ATP6V1C2: variants seen among roughly 807,000 people sequenced by gnomAD.
ATP6V1C2 encodes V-type proton ATPase subunit C 2.
A neutral mutation model predicts 56.8 loss-of-function variants in ATP6V1C2; 45 were observed. The ratio of observed to expected loss-of-function variants is 0.79; its 90% CI spans 0.62 to 1.02. The LOEUF is 1.02. Among genes scored for constraint, ATP6V1C2 ranks in the 50% least tolerant of loss-of-function variants. The pLI, the probability that ATP6V1C2 is intolerant of heterozygous loss-of-function variation, is 0.00. For synonymous variants in ATP6V1C2, 220 were observed against 201.3 expected (o/e 1.09, Z -0.79); for missense variants, 463 against 519.7 (o/e 0.89, Z 1.06).
chr2:10,753,687 T>C (rs1202058521), intron 3 of ATP6V1C2, among the ~76,000 whole-genome samples: 1 of 151,806 alleles, frequency 6.6e-6, no homozygotes, highest in African/African-American at 2.4e-5. Context: ...CCCACCACCA[T>C]GCCTGGCTAA....
At position 10,775,032 on chromosome 2, in the gene ATP6V1C2, G is replaced by A. The variant is rs775845282; in HGVS notation, c.786G>A (p.Glu262=). Residue 262 remains glutamate, a synonymous_variant, in exon 10 of 14, where the codon GAG becomes GAA. Transcript: ENST00000272238. ...YDEKEIERER[E]EMARLLSDKK... ...AGAAGGAAATTGAAAGGGAAAGGGA[G>A]GAGATGGCCAGATTGCTGTCTGATA... 1.5e-5 allele frequency: 25 copies of A among 1,613,994 alleles called. No individual in the cohort carries two copies. In the South Asian group the frequency reaches 2.6e-4, roughly 17 times the overall value.
rs913820315 is a variant in ATP6V1C2 at position 10,773,828 on chromosome 2, C to T, written c.639-960C>T. On this transcript the variant is annotated intron_variant, in intron 8 of 13. Coordinates refer to ENST00000272238, the MANE Select transcript of ATP6V1C2 (RefSeq NM_001039362.2). ...GGTGCAAGGCCTCTGCCCTGGGGCC[C>T]CTGCTGGGGGACGGGGATCTCCCAG... Among the ~76,000 whole-genome samples, 5 of 152,346 alleles carry T rather than the reference C, an allele frequency of 3.3e-5. No individual in the cohort carries two copies. In the South Asian group the frequency reaches 6.2e-4, roughly 19 times the overall value.
intron 5 of ATP6V1C2, among the ~76,000 whole-genome samples, chr2:10,766,347 A>G (rs1664219033): frequency 6.6e-6 from 1 of 152,200 alleles, no homozygotes. Context: ...CATTTAGTCA[A>G]AGGAGACTCC....
intron 4 of ATP6V1C2, among the ~76,000 whole-genome samples, chr2:10,762,569 C>T (rs1173446864): frequency 6.6e-6 from 1 of 152,192 alleles, no homozygotes; most frequent in Non-Finnish European, 1.5e-5. Flanking sequence ...CTTCGTCTCA[C>T]GTGCTGGCAT....
At chr2:10,731,156 C>T (rs1481671371) in intron 3 of ATP6V1C2, among the ~76,000 whole-genome samples, 1 of 151,048 alleles carries the variant, frequency 6.6e-6, no homozygotes. Flanking sequence ...ACTATATCTC[C>T]CAGGCTGGTC....
Position 10,748,444 on chromosome 2 carries a change from T to A in ATP6V1C2, c.198-5537T>A, listed in dbSNP as rs1056382487. On this transcript the variant is annotated intron_variant, in intron 3 of 13. Coordinates refer to ENST00000272238, the MANE Select transcript of ATP6V1C2 (RefSeq NM_001039362.2). ...CAGTATCTGCTTAAATTTTTTTTTT[T>A]AAACAAGGTAAAAGATACAGTGAAA... Among the ~76,000 whole-genome samples, 8 of 151,906 alleles carry A rather than the reference T, an allele frequency of 5.3e-5. No individual in the cohort carries two copies. The East Asian group carries it at 1.5e-3, about 29-fold the overall frequency.
rs771982046 is a variant in ATP6V1C2 at position 10,758,656 on chromosome 2, C to CT, written c.283+4603dup. ...GTGCTATAAACCAGGCCAGAGAGAC[C>CT]TTTTTTTTTTTTTCTTTTTCTTTTT... On this transcript the variant is annotated intron_variant, in intron 4 of 13. Coordinates refer to ENST00000272238, the MANE Select transcript of ATP6V1C2 (RefSeq NM_001039362.2). 4.4e-3 allele frequency among the ~76,000 whole-genome samples: 646 copies of CT among 146,090 alleles called. 3 individuals are homozygous for CT. The highest frequency in any genetic ancestry group is 0.011 in the African/African-American group (448 of 39,994).
At chr2:10,726,436 T>C (rs1558383269) in intron 2 of ATP6V1C2, 66 bp from the exon 3 acceptor site, 1 of 1,231,716 alleles carries the variant, frequency 8.1e-7, no homozygotes, top group Non-Finnish European at 1.2e-6. Flanking sequence ...CCCTGCCGTG[T>C]TGTTGAGATG....
intron 7 of ATP6V1C2, among the ~76,000 whole-genome samples, chr2:10,772,151 T>C (rs1001793788): frequency 6.6e-6 from 1 of 152,228 alleles, no homozygotes; most frequent in African/African-American, 2.4e-5. Flanking sequence ...AGCCATTTAT[T>C]GAGCACTTGC....
At chr2:10,727,950 C>T (rs1661740181) in intron 3 of ATP6V1C2, among the ~76,000 whole-genome samples, 1 of 152,190 alleles carries the variant, frequency 6.6e-6, no homozygotes, top group South Asian at 2.1e-4. Flanking sequence ...TCTTTCCTGT[C>T]CCCTAGTCCT....
chr2:10,764,268 G>A lies in ATP6V1C2; in HGVS notation c.284-63G>A, dbSNP rs1449112206. 26 of 1,414,880 alleles carry A rather than the reference G, an allele frequency of 1.8e-5. 2 individuals are homozygous for A. The South Asian group carries it at 2.1e-4, about 11-fold the overall frequency. 87.6% of individuals were successfully genotyped at this position (1,414,880 alleles called of 1,614,324 possible). On this transcript the variant is annotated intron_variant, in intron 4 of 13. Transcript: ENST00000272238. Reference sequence around the variant, plus strand: ...ACGCTGATGCTTGGCTTGGGATTCCGAAGTCTCAATCATGGATGCAGAGCG... The same window carrying A: ...ACGCTGATGCTTGGCTTGGGATTCCAAAGTCTCAATCATGGATGCAGAGCG...
chr2:10,777,240 C>G (rs553656419), intron 10 of ATP6V1C2, among the ~76,000 whole-genome samples: 1 of 152,220 alleles, frequency 6.6e-6, no homozygotes, highest in Non-Finnish European at 1.5e-5. Context: ...CGCAGAGAGC[C>G]GTTTCCACTA....
chr2:10,733,705 T>C (rs1662091784), intron 3 of ATP6V1C2, among the ~76,000 whole-genome samples: 1 of 152,126 alleles, frequency 6.6e-6, no homozygotes, highest in Admixed American at 6.6e-5. Context: ...TTAGCCTGTT[T>C]TGCGGTGTTG....
chr2:10,779,335 C>A (rs1464479544), intron 12 of ATP6V1C2, among the ~76,000 whole-genome samples: 2 of 149,962 alleles, frequency 1.3e-5, no homozygotes, highest in African/African-American at 4.9e-5. Flanking sequence ...TTGAGCTCCT[C>A]CTAACCTCAG....
chr2:10,764,363 T>C lies in ATP6V1C2; in HGVS notation c.316T>C (p.Trp106Arg), dbSNP rs1201484259. The C allele has an allele frequency of 6.2e-7, 1 of 1,614,088 alleles. No homozygotes were observed. Among genetic ancestry groups the C allele is most frequent in the Admixed American group, 1.7e-5 (1 of 60,028 alleles). The change falls in exon 5 of 14, where the codon TGG becomes CGG. Residue 106 changes from tryptophan (W) to arginine (R), a missense_variant. Trp to Arg is a moderately radical substitution (Grantham distance 101). Coordinates refer to ENST00000272238, the MANE Select transcript of ATP6V1C2 (RefSeq NM_001039362.2). ...AACATCCTTTGTGACCCACTTTGAA[T>C]GGGACATGGCCAAATATCCTGTCAA... is the stretch of plus-strand genomic sequence containing the variant. ...DLTSFVTHFE[W>R]DMAKYPVKQP...
At chr2:10,775,133 C>A in intron 10 of ATP6V1C2, 62 bp downstream of exon 10, 1 of 1,229,832 alleles carries the variant, frequency 8.1e-7, no homozygotes, top group Non-Finnish European at 1.2e-6. Context: ...TAGAAGAGTC[C>A]TCCCAGGTCT....
intron 6 of ATP6V1C2, among the ~76,000 whole-genome samples, chr2:10,771,025 A>G (rs1386011497): frequency 6.6e-6 from 1 of 152,216 alleles, no homozygotes; most frequent in African/African-American, 2.4e-5. Flanking sequence ...AGGGAGGCTC[A>G]TGCATGCGGT....
chr2:10,778,465 C>A, intron 11 of ATP6V1C2, 107 bp from the exon 12 acceptor site: 1 of 984,596 alleles, frequency 1.0e-6, no homozygotes, highest in Non-Finnish European at 1.6e-6. Flanking sequence ...GGCTCCTGGG[C>A]ACTTCTTCTC....
intron 3 of ATP6V1C2, among the ~76,000 whole-genome samples, chr2:10,749,972 A>T (rs1289509933): frequency 6.6e-6 from 1 of 152,216 alleles, no homozygotes; most frequent in East Asian, 1.9e-4. Context: ...TTCACAACAA[A>T]CTGTGGAGTG....
Sources: allele counts gnomAD v4.1 joint callset (sites outside exome capture counted in the v4.1 genomes callset), GRCh38; gene constraint gnomAD v4.1.1; transcripts MANE v1.5; gene names NCBI Gene and HGNC (gene_info 2026-07-23, HGNC 2026-07-21).